Variants in KSR1 observed in about 807,000 individuals in gnomAD.
KSR1 encodes kinase suppressor of ras.
A neutral mutation model predicts 92.9 loss-of-function variants in KSR1; 35 were observed. The observed-to-expected ratio is 0.38, with a 90% CI of 0.29 to 0.50. The LOEUF (loss-of-function observed/expected upper bound fraction) is 0.50, where lower values mean the gene tolerates loss of function less well. Among genes scored for constraint, KSR1 ranks in the 20% least tolerant of loss-of-function variants. The pLI, the probability that KSR1 is intolerant of heterozygous loss-of-function variation, is 0.94. For missense variants in KSR1, 972 were observed against 1,158.5 expected (o/e 0.84, Z 2.34); for synonymous variants, 467 against 472.6 (o/e 0.99, Z 0.15).
At chr17:27,492,517 G>A (rs1264093813) in intron 1 of KSR1, among the ~76,000 whole-genome samples, 1 of 152,202 alleles carries the variant, frequency 6.6e-6, no homozygotes, top group Admixed American at 6.5e-5. Flanking sequence ...CCTTGGACAA[G>A]CTGCTTCCCT....
intron 2 of KSR1, among the ~76,000 whole-genome samples, chr17:27,556,894 C>A (rs2071616410): frequency 6.6e-6 from 1 of 152,210 alleles, no homozygotes; most frequent in African/African-American, 2.4e-5. Flanking sequence ...GTTGTATTTT[C>A]TCCCTGGCTG....
chr17:27,507,057 TG>T (rs2069411639), intron 1 of KSR1, among the ~76,000 whole-genome samples: 1 of 152,238 alleles, frequency 6.6e-6, no homozygotes, highest in Admixed American at 6.5e-5. Flanking sequence ...TTCTCAGCAC[TG>T]AGGCTGTGGC....
At chr17:27,607,711 G>A (rs968088148) in intron 14 of KSR1, among the ~76,000 whole-genome samples, 1 of 152,170 alleles carries the variant, frequency 6.6e-6, no homozygotes. Context: ...GTGCGTGTAC[G>A]TGTGTGGTGT....
intron 2 of KSR1, among the ~76,000 whole-genome samples, chr17:27,553,562 C>T (rs1007607659): frequency 1.3e-5 from 2 of 152,194 alleles, no homozygotes; most frequent in Non-Finnish European, 1.5e-5. Context: ...AGCAGGAGGG[C>T]AGACTGGGCT....
chr17:27,626,352 T>A lies in KSR1; in HGVS notation c.*2960T>A, dbSNP rs1474013544. ...TATTAACAAACATGCTGTATCGGGT[T>A]TTTTTGCCACTGGCAAGAACATGCC... On this transcript the variant is annotated 3_prime_UTR_variant, in exon 21 of 21. Coordinates refer to ENST00000644974, the MANE Select transcript of KSR1 (RefSeq NM_001394583.1). The A allele has an allele frequency of 6.6e-6, 1 of 152,222 alleles. No homozygotes were observed. The highest frequency in any genetic ancestry group is 1.9e-4 in the East Asian group (1 of 5,204). The allele number at this position is 152,222 out of a possible 1,614,324, so 9.4% of individuals were successfully genotyped here. A position where few individuals can be genotyped will look rare whatever the true frequency, so the allele number is the denominator to read the frequency against.
At chr17:27,538,845 T>G (rs1033943923) in intron 1 of KSR1, among the ~76,000 whole-genome samples, 4 of 152,186 alleles carry the variant, frequency 2.6e-5, no homozygotes, top group African/African-American at 9.7e-5. Flanking sequence ...CATCTGTCAT[T>G]GCCCCTTGCC....
At chr17:27,593,715 C>T (rs900291635) in intron 9 of KSR1, among the ~76,000 whole-genome samples, 3 of 152,178 alleles carry the variant, frequency 2.0e-5, no homozygotes, top group Non-Finnish European at 2.9e-5. Flanking sequence ...GGGGAGGCAG[C>T]GGGAAAGATG....
At chr17:27,548,229 CAAA>C (rs34481724) in intron 1 of KSR1, among the ~76,000 whole-genome samples, 7 of 89,852 alleles carry the variant, frequency 7.8e-5, no homozygotes, top group Non-Finnish European at 1.2e-4. Context: ...GACCCCATCT[CAAA>C]AAAAAAAAAA....
chr17:27,611,702 A>C, intron 18 of KSR1, 73 bp downstream of exon 18: 1 of 1,579,788 alleles, frequency 6.3e-7, no homozygotes, highest in African/African-American at 1.3e-5. Context: ...GCTGCCCTTC[A>C]CTCACCCACC....
rs763320443 is a variant in KSR1, at chr17:27,592,476, C to T, written c.1193-44C>T. 6 of 1,612,526 alleles carry T rather than the reference C, an allele frequency of 3.7e-6. No homozygotes were observed. In the Admixed American group the frequency reaches 1.0e-4, roughly 27 times the overall value. On this transcript the variant is annotated intron_variant, in intron 8 of 20. Transcript: ENST00000644974. ...CTTCTGGATTTGGGTGAATCTTTAG[C>T]TTGACCTGTTCCCTGGTGATGGGTT... is the stretch of plus-strand genomic sequence containing the variant.
chr17:27,600,458 T>TA lies in KSR1; in HGVS notation c.1469-894dup, dbSNP rs921742923. 3.8e-4 allele frequency among the ~76,000 whole-genome samples: 58 copies of TA among 151,934 alleles called. 1 individual carries two copies. Among genetic ancestry groups the TA allele is most frequent in the Non-Finnish European group, 6.9e-4 (47 of 67,962 alleles). On this transcript the variant is annotated intron_variant, in intron 10 of 20. Coordinates refer to ENST00000644974, the MANE Select transcript of KSR1 (RefSeq NM_001394583.1). The stretch of plus-strand genomic sequence containing the variant: ...CTGTCTCAAAAAATAAATATATAAA[T>TA]AAAAAAAATTTTAAAAATGATTAAA...
At chr17:27,488,246 G>C (rs1190267585) in intron 1 of KSR1, among the ~76,000 whole-genome samples, 1 of 152,218 alleles carries the variant, frequency 6.6e-6, no homozygotes, top group Non-Finnish European at 1.5e-5. Context: ...AGGTTAAGAA[G>C]TGAAATATTC....
chr17:27,577,463 C>T lies in KSR1; in HGVS notation c.373-29C>T. On this transcript the variant is annotated intron_variant, in intron 2 of 20. Transcript: ENST00000644974. This position sits in a 1 kb window ranked among gnomAD's most constrained non-coding sequence, Gnocchi z 4.5. The stretch of plus-strand genomic sequence containing the variant: ...TCCCGGCCCAGCCGACTGCTCACCG[C>T]CTCTCTGCCTGTCCCTCTGTCCCCT... 1.4e-6 allele frequency: 2 copies of T among 1,384,880 alleles called. No individual in the cohort carries two copies. The highest frequency in any genetic ancestry group is 2.5e-4 in the Middle Eastern group (1 of 4,050). 85.8% of individuals were successfully genotyped at this position (1,384,880 alleles called of 1,614,324 possible). A position where few individuals can be genotyped will look rare whatever the true frequency, so the allele number is the denominator to read the frequency against.
At chr17:27,495,140 A>T (rs1179542165) in intron 1 of KSR1, among the ~76,000 whole-genome samples, 2 of 152,162 alleles carry the variant, frequency 1.3e-5, no homozygotes, top group Admixed American at 6.5e-5. Context: ...AAGCTTGAGA[A>T]ATCAGACTTG....
intron 1 of KSR1, among the ~76,000 whole-genome samples, chr17:27,511,995 T>C (rs1274119939): frequency 1.3e-5 from 2 of 152,224 alleles, no homozygotes; most frequent in African/African-American, 4.8e-5. Context: ...TTTGTGCAAT[T>C]GATAGTAGTC....
chr17:27,591,784 C>T (rs2073175284), intron 7 of KSR1, among the ~76,000 whole-genome samples: 1 of 152,144 alleles, frequency 6.6e-6, no homozygotes, highest in Non-Finnish European at 1.5e-5. Context: ...CAGGGCTGTC[C>T]TGCGGTGCAG....
intron 1 of KSR1, among the ~76,000 whole-genome samples, chr17:27,529,306 A>C (rs2070444623): frequency 6.6e-6 from 1 of 152,142 alleles, no homozygotes; most frequent in Non-Finnish European, 1.5e-5. Flanking sequence ...GTTGCCTCAT[A>C]GTGTTCTGTG....
At chr17:27,498,358 G>T (rs1353812809) in intron 1 of KSR1, among the ~76,000 whole-genome samples, 2 of 138,758 alleles carry the variant, frequency 1.4e-5, no homozygotes. Flanking sequence ...AAAAAAAAAA[G>T]GCTCTTGACC....
intron 1 of KSR1, among the ~76,000 whole-genome samples, chr17:27,525,458 G>A (rs1418975990): frequency 2.6e-5 from 4 of 152,192 alleles, no homozygotes; most frequent in Admixed American, 6.5e-5. Context: ...ATGAGTTACC[G>A]CATGTAATGT....
Sources: allele counts gnomAD v4.1 joint callset (sites outside exome capture counted in the v4.1 genomes callset), GRCh38; gene constraint gnomAD v4.1.1; non-coding constraint Gnocchi (gnomAD v3.1); transcripts MANE v1.5; gene names NCBI Gene and HGNC (gene_info 2026-07-23, HGNC 2026-07-21).